DCDC1: variants seen among roughly 807,000 people sequenced by gnomAD.
DCDC1 encodes the protein doublecortin domain containing 1.
Under a neutral mutation model 178.3 loss-of-function variants are expected in DCDC1, and 200 were observed. The observed-to-expected ratio is 1.12, with a 90% confidence interval of 1.00 to 1.26. The LOEUF (loss-of-function observed/expected upper bound fraction) is 1.26, where lower values mean the gene tolerates loss of function less well. Ranked by LOEUF, DCDC1 falls within the 50% of genes most tolerant of loss-of-function variation. DCDC1 has a pLI of 0.00. For synonymous variants in DCDC1, 690 were observed against 604.8 expected (o/e 1.14, Z -2.07); for missense variants, 1,983 against 1,749.2 (o/e 1.13, Z -2.38).
At chr11:31,046,102 C>A (rs916389046) in intron 20 of DCDC1, among the ~76,000 whole-genome samples, 1 of 152,154 alleles carries the variant, frequency 6.6e-6, no homozygotes, top group South Asian at 2.1e-4. Context: ...TCACAAGACT[C>A]CCTTTATTCA....
chr11:31,090,973 C>T (rs147349153), intron 17 of DCDC1, among the ~76,000 whole-genome samples: 7 of 152,162 alleles, frequency 4.6e-5, no homozygotes, highest in African/African-American at 1.2e-4. Context: ...ACTTACAGTC[C>T]GTTACAAGCC....
At chr11:31,277,996 C>T (rs150557923) in intron 7 of DCDC1, among the ~76,000 whole-genome samples, 121 of 152,118 alleles carry the variant, frequency 8.0e-4, no homozygotes, top group Non-Finnish European at 1.5e-3. Context: ...AAGATTTTCT[C>T]CCACGTTTTC....
At chr11:31,145,170 G>A in intron 9 of DCDC1, among the ~76,000 whole-genome samples, 1 of 152,138 alleles carries the variant, frequency 6.6e-6, no homozygotes, top group East Asian at 1.9e-4. Flanking sequence ...ATGTATTGTG[G>A]AAATTCAGAT....
chr11:31,143,151 T>G (rs1005367697), intron 9 of DCDC1, among the ~76,000 whole-genome samples: 1 of 152,078 alleles, frequency 6.6e-6, no homozygotes, highest in Admixed American at 6.6e-5. Flanking sequence ...AATGGACACA[T>G]AAACAATACA....
chr11:31,358,890 T>G (rs1348838987), intron 1 of DCDC1, among the ~76,000 whole-genome samples: 1 of 152,172 alleles, frequency 6.6e-6, no homozygotes, highest in East Asian at 1.9e-4. Flanking sequence ...TGAGATATCA[T>G]CTCACACCAG....
intron 38 of DCDC1, among the ~76,000 whole-genome samples, chr11:30,869,092 G>C (rs895493043): frequency 1.3e-5 from 2 of 152,220 alleles, no homozygotes; most frequent in African/African-American, 4.8e-5. Context: ...CTGCAACAGA[G>C]GGTCTGTCTG....
At chr11:31,048,681 G>A (rs1252561516) in intron 20 of DCDC1, among the ~76,000 whole-genome samples, 1 of 152,062 alleles carries the variant, frequency 6.6e-6, no homozygotes, top group African/African-American at 2.4e-5. Context: ...GTGAAACTCT[G>A]TCTCTACTAA....
At chr11:31,197,390 T>C (rs935266341) in intron 9 of DCDC1, among the ~76,000 whole-genome samples, 1 of 152,140 alleles carries the variant, frequency 6.6e-6, no homozygotes, top group Non-Finnish European at 1.5e-5. Flanking sequence ...TTAATCAGTA[T>C]AGCAATAATG....
chr11:31,340,138 A>G (rs955509731), intron 1 of DCDC1, among the ~76,000 whole-genome samples: 3 of 152,126 alleles, frequency 2.0e-5, no homozygotes, highest in Admixed American at 2.0e-4. Flanking sequence ...GGTTTCCTTT[A>G]CCCAGGGATG....
chr11:30,889,832 G>A lies in DCDC1; in HGVS notation c.5082+2986C>T, dbSNP rs890870192. Among the ~76,000 whole-genome samples the A allele has an allele frequency of 3.3e-5, 5 of 152,078 alleles. 1 individual carries two copies. The East Asian group carries it at 5.8e-4, about 18-fold the overall frequency. On this transcript the variant is annotated intron_variant, in intron 36 of 38. Transcript: ENST00000684477. ...TAGTGGTTCAAGCACTTGAGTTTAG[G>A]ATAGTGTTATGGACTAAACTGTGTC...
At chr11:31,338,321 C>T (rs1037397115) in intron 1 of DCDC1, among the ~76,000 whole-genome samples, 1 of 152,084 alleles carries the variant, frequency 6.6e-6, no homozygotes, top group Non-Finnish European at 1.5e-5. Context: ...TACTAGACCA[C>T]CTGGACTTAA....
intron 9 of DCDC1, among the ~76,000 whole-genome samples, chr11:31,230,312 G>T (rs754936191): frequency 2.6e-5 from 4 of 151,178 alleles, no homozygotes; most frequent in Non-Finnish European, 5.9e-5. Context: ...AATGCTGTAT[G>T]TTTTTTTACA....
At chr11:31,157,336 A>C (rs208097) in intron 9 of DCDC1, among the ~76,000 whole-genome samples, 97,893 of 142,102 alleles carry the variant, frequency 0.69, 34,760 homozygotes, top group East Asian at 0.96. Context: ...GGTTACAGAG[A>C]AAGAGCAAGA....
chr11:31,324,359 T>A lies in DCDC1; in HGVS notation c.164+3758A>T, dbSNP rs528098707. ...GTGTAAAAGTATACAGGAATAAAAATAAGGCATATGTGAAATTTAAAACTG... is the reference window on the plus strand; with the variant it reads ...GTGTAAAAGTATACAGGAATAAAAAAAAGGCATATGTGAAATTTAAAACTG... On this transcript the variant is annotated intron_variant, in intron 3 of 38. Coordinates refer to ENST00000684477, the MANE Select transcript of DCDC1 (RefSeq NM_001387274.1). Among the ~76,000 whole-genome samples, 4 of 151,836 alleles carry A rather than the reference T, an allele frequency of 2.6e-5. No individual in the cohort carries two copies. The South Asian group carries it at 6.2e-4, about 24-fold the overall frequency.
intron 18 of DCDC1, among the ~76,000 whole-genome samples, chr11:31,075,525 G>A (rs945164313): frequency 6.6e-6 from 1 of 151,990 alleles, no homozygotes; most frequent in African/African-American, 2.4e-5. Flanking sequence ...GAATGTATAA[G>A]TGATCCCTTT....
Position 31,001,319 on chromosome 11 carries a change from G to T in DCDC1, c.2592-48751C>A, listed in dbSNP as rs77650461. 2.1e-4 allele frequency among the ~76,000 whole-genome samples: 32 copies of T among 152,056 alleles called. No individual in the cohort carries two copies. The East Asian group carries it at 6.2e-3, about 29-fold the overall frequency. On this transcript the variant is annotated intron_variant, in intron 20 of 38. Transcript: ENST00000684477. ...TTTCCAAAGTTATTTTGCCATGAAA[G>T]CAAATGGTCACTTTACCTTCAAAAC...
At chr11:31,074,802 C>T (rs948935669) in intron 18 of DCDC1, among the ~76,000 whole-genome samples, 1 of 152,064 alleles carries the variant, frequency 6.6e-6, no homozygotes, top group Non-Finnish European at 1.5e-5. Context: ...TTTGAAAAAG[C>T]AGGATAGACA....
At chr11:31,247,697 A>G (rs1417684003) in intron 8 of DCDC1, among the ~76,000 whole-genome samples, 1 of 151,950 alleles carries the variant, frequency 6.6e-6, no homozygotes. Context: ...TCTTTTTTTC[A>G]TACATCCCCA....
At chr11:30,889,584 A>G (rs929682473) in intron 36 of DCDC1, among the ~76,000 whole-genome samples, 25 of 152,126 alleles carry the variant, frequency 1.6e-4, no homozygotes. Context: ...CACACAGTCC[A>G]TCCTCCAGAG....
Sources: gnomAD v4.1 joint callset for allele counts (sites outside exome capture counted in the v4.1 genomes callset) on GRCh38, gnomAD v4.1.1 for gene constraint, MANE v1.5 for transcripts, NCBI Gene and HGNC (gene_info 2026-07-23, HGNC 2026-07-21) for gene names.